The following TRAM2 variants were observed in gnomAD, a reference collection of about 807,000 sequenced individuals.
The protein encoded by TRAM2 is translocation associated membrane protein 2.
Under a neutral mutation model 51.0 loss-of-function variants are expected in TRAM2, and 12 were observed. The observed-to-expected ratio is 0.24, with a 90% CI of 0.15 to 0.38. The LOEUF (loss-of-function observed/expected upper bound fraction) is 0.38. Ranked by LOEUF, TRAM2 falls within the 10% of genes least tolerant of loss-of-function variation. The pLI, the probability that TRAM2 is intolerant of heterozygous loss-of-function variation, is 1.00. For synonymous variants in TRAM2, 175 were observed against 179.4 expected (o/e 0.98, Z 0.20); for missense variants, 361 against 462.0 (o/e 0.78, Z 2.00).
intron 1 of TRAM2, 149 bp from the exon 2 acceptor site, chr6:52,535,995 G>C: frequency 1.6e-6 from 1 of 633,242 alleles, no homozygotes; most frequent in Non-Finnish European, 2.7e-6. Flanking sequence ...ATTAGTTTTT[G>C]TTCTATTTTT....
chr6:52,508,092 A>C (rs1247509039), intron 6 of TRAM2, 142 bp downstream of exon 6: 1 of 723,486 alleles, frequency 1.4e-6, no homozygotes, highest in African/African-American at 1.8e-5. Flanking sequence ...ATGACTCAGC[A>C]TGTTGCTCAA....
At chr6:52,513,320 G>C (rs901255059) in intron 4 of TRAM2, among the ~76,000 whole-genome samples, 3 of 152,118 alleles carry the variant, frequency 2.0e-5, no homozygotes, top group African/African-American at 7.2e-5. Flanking sequence ...AATGTTGAAG[G>C]CTGGAGAGAG....
At chr6:52,530,860 C>T (rs771766131) in intron 2 of TRAM2, among the ~76,000 whole-genome samples, 1 of 151,930 alleles carries the variant, frequency 6.6e-6, no homozygotes. Context: ...GCTGGGAAGA[C>T]GAGAAAGGAG....
chr6:52,532,425 T>C (rs1199808642), intron 2 of TRAM2, among the ~76,000 whole-genome samples: 1 of 152,224 alleles, frequency 6.6e-6, no homozygotes, highest in African/African-American at 2.4e-5. Flanking sequence ...ATTTATAAAC[T>C]GGTATTCTGA....
chr6:52,560,895 G>T (rs1767487255), intron 1 of TRAM2, among the ~76,000 whole-genome samples: 1 of 152,174 alleles, frequency 6.6e-6, no homozygotes, highest in Non-Finnish European at 1.5e-5. Context: ...CACCCCCAAG[G>T]TATATATCCA....
chr6:52,508,343 C>G, intron 5 of TRAM2, 25 bp from the exon 6 acceptor site: 1 of 1,609,684 alleles, frequency 6.2e-7, no homozygotes, highest in Non-Finnish European at 8.5e-7. Flanking sequence ...GCAAGTCACA[C>G]GGGCAGGATA....
chr6:52,504,610 C>G lies in TRAM2; in HGVS notation c.1020G>C (p.Arg340Ser). 6.2e-7 allele frequency: 1 copy of G among 1,614,192 alleles called. No homozygotes were observed. Among genetic ancestry groups the G allele is most frequent in the Non-Finnish European group, 8.5e-7 (1 of 1,180,048 alleles). ...ACTCACCAGATTCCCTCTTGATGAG[C>G]CTGGCTGGTAGTCTGGGTGTGGCTG... ...RVPATPRLPA[R>S]LIKRESGYHE... Residue 340 changes from arginine (R) to serine (S), a missense_variant, in exon 10 of 11, where the codon AGG becomes AGC. Arg to Ser is a moderately radical substitution (Grantham distance 110). Transcript: ENST00000182527.
chr6:52,576,989 C>T lies in TRAM2; in HGVS notation c.-74G>A, dbSNP rs1562492921. 1.0e-5 allele frequency: 14 copies of T among 1,343,696 alleles called. No homozygotes were observed. Among genetic ancestry groups the T allele is most frequent in the South Asian group, 3.7e-5 (2 of 54,522 alleles). 83.2% of individuals were successfully genotyped at this position (1,343,696 alleles called of 1,614,324 possible). ...ACCGCAGCGCAAACTTCTCCAGCAC[C>T]GGCCCGGTCCGCCCGCCGGCCCGCC... On this transcript the variant is annotated 5_prime_UTR_variant, in exon 1 of 11. Coordinates refer to ENST00000182527, the MANE Select transcript of TRAM2 (RefSeq NM_012288.4).
chr6:52,550,282 C>A (rs1767284658), intron 1 of TRAM2, among the ~76,000 whole-genome samples: 1 of 152,170 alleles, frequency 6.6e-6, no homozygotes, highest in African/African-American at 2.4e-5. Context: ...AGTTCTAGAT[C>A]CATGCTATCC....
chr6:52,544,908 A>G (rs2114093285), intron 1 of TRAM2, among the ~76,000 whole-genome samples: 1 of 152,314 alleles, frequency 6.6e-6, no homozygotes, highest in South Asian at 2.1e-4. Context: ...CTTTGCCACA[A>G]ACCAGTCTCC....
At chr6:52,512,530 T>C (rs536496938) in intron 4 of TRAM2, among the ~76,000 whole-genome samples, 4 of 152,188 alleles carry the variant, frequency 2.6e-5, no homozygotes, top group Non-Finnish European at 4.4e-5. Context: ...GCAAAGCACC[T>C]GAGTCCACAG....
intron 4 of TRAM2, among the ~76,000 whole-genome samples, chr6:52,512,187 C>T (rs944327761): frequency 6.6e-6 from 1 of 152,152 alleles, no homozygotes; most frequent in Non-Finnish European, 1.5e-5. Context: ...TTTGCCCAAA[C>T]AAGACTCGCC....
At position 52,501,914 on chromosome 6, in the gene TRAM2, G is replaced by A. The variant is rs1766235693; in HGVS notation, c.*1283C>T. 1 of 152,230 alleles carries A rather than the reference G, an allele frequency of 6.6e-6. No individual in the cohort carries two copies. The allele number at this position is 152,230 out of a possible 1,614,324, so 9.4% of individuals were successfully genotyped here. A position where few individuals can be genotyped will look rare whatever the true frequency, so the allele number is the denominator to read the frequency against. On this transcript the variant is annotated 3_prime_UTR_variant, in exon 11 of 11. Coordinates refer to ENST00000182527, the MANE Select transcript of TRAM2 (RefSeq NM_012288.4). ...CCTCACAAGGCACCAAAAGGACTTG[G>A]AGGCCTTCTCTTCAGGTGGAGGGGA... is the stretch of plus-strand genomic sequence containing the variant.
intron 3 of TRAM2, 169 bp downstream of exon 3, chr6:52,516,459 T>C: frequency 1.6e-6 from 1 of 631,190 alleles, no homozygotes; most frequent in Non-Finnish European, 2.8e-6. Flanking sequence ...TAAAGGAGGC[T>C]GTGAACAGAA....
chr6:52,541,801 C>CTCTTTTTTTTTT, intron 1 of TRAM2, among the ~76,000 whole-genome samples: 1 of 75,190 alleles, frequency 1.3e-5, no homozygotes, highest in Non-Finnish European at 2.7e-5. Flanking sequence ...TCAGTTTATT[C>CTCTTTTTTTTTT]TGTTTTTTTT....
At chr6:52,535,260 C>T (rs577854253) in intron 2 of TRAM2, among the ~76,000 whole-genome samples, 8 of 152,320 alleles carry the variant, frequency 5.3e-5, no homozygotes, top group South Asian at 4.1e-4. Flanking sequence ...CAAAGCACCA[C>T]GTGGTGCAGC....
chr6:52,515,127 G>A (rs1404143361), intron 4 of TRAM2, among the ~76,000 whole-genome samples: 2 of 152,188 alleles, frequency 1.3e-5, no homozygotes, highest in South Asian at 2.1e-4. Flanking sequence ...TGAAAGAAGA[G>A]GAAGAAAGTG....
rs1284602977 is a variant in TRAM2, at chr6:52,500,394, G to A, written c.*2803C>T. 2.0e-5 allele frequency: 3 copies of A among 152,122 alleles called. No individual in the cohort carries two copies. Among genetic ancestry groups the A allele is most frequent in the African/African-American group, 7.2e-5 (3 of 41,392 alleles). The allele number at this position is 152,122 out of a possible 1,614,324, so 9.4% of individuals were successfully genotyped here. A position where few individuals can be genotyped will look rare whatever the true frequency, so the allele number is the denominator to read the frequency against. On this transcript the variant is annotated 3_prime_UTR_variant, in exon 11 of 11. Coordinates refer to ENST00000182527, the MANE Select transcript of TRAM2 (RefSeq NM_012288.4). ...GACTTGGCTCTGCTGTGAAATAAAC[G>A]TGCCAGGGAGGGTGGCAGGGGGAGG...
At chr6:52,549,244 TCCTTCCCTC>T (rs1329125516) in intron 1 of TRAM2, among the ~76,000 whole-genome samples, 1 of 138,656 alleles carries the variant, frequency 7.2e-6, no homozygotes, top group African/African-American at 2.5e-5. Context: ...CTTCCTTCCC[TCCTTCCCTC>T]CCTTCCCTCC....
Sources: allele counts gnomAD v4.1 joint callset (sites outside exome capture counted in the v4.1 genomes callset), GRCh38; gene constraint gnomAD v4.1.1; transcripts MANE v1.5; gene names NCBI Gene and HGNC (gene_info 2026-07-23, HGNC 2026-07-21).